CNTNAP2: variants seen among roughly 807,000 people sequenced by gnomAD.
The protein encoded by CNTNAP2 is contactin-associated protein-like 2.
Under a neutral mutation model 155.2 loss-of-function variants are expected in CNTNAP2, and 98 were observed. That is an observed-to-expected ratio of 0.63 (90% CI 0.54 to 0.75). The LOEUF is 0.75. Among genes scored for constraint, CNTNAP2 ranks in the 30% least tolerant of loss-of-function variants. CNTNAP2 has a pLI of 0.00. For missense variants in CNTNAP2, 1,727 were observed against 1,688.1 expected (o/e 1.02, Z -0.40); for synonymous variants, 651 against 631.2 (o/e 1.03, Z -0.47).
At chr7:147,223,040 G>A (rs138298753) in intron 8 of CNTNAP2, among the ~76,000 whole-genome samples, 4 of 152,146 alleles carry the variant, frequency 2.6e-5, no homozygotes, top group Non-Finnish European at 5.9e-5. Context: ...AGGACAAAAA[G>A]ATTTTTCTCC....
chr7:147,774,690 G>A (rs1292616513), intron 13 of CNTNAP2, among the ~76,000 whole-genome samples: 1 of 152,144 alleles, frequency 6.6e-6, no homozygotes, highest in African/African-American at 2.4e-5. Flanking sequence ...ATAAGGGAGA[G>A]AGCCCTCACC....
chr7:146,230,655 C>A (rs996096976), intron 1 of CNTNAP2, among the ~76,000 whole-genome samples: 4 of 152,128 alleles, frequency 2.6e-5, no homozygotes, highest in African/African-American at 9.7e-5. Flanking sequence ...TATTTGTTAT[C>A]TATAGAAATA....
intron 13 of CNTNAP2, among the ~76,000 whole-genome samples, chr7:147,653,494 C>T (rs1391339636): frequency 6.6e-6 from 1 of 152,180 alleles, no homozygotes; most frequent in Non-Finnish European, 1.5e-5. Context: ...TTGAGACTTA[C>T]TCCATTAGGG....
intron 1 of CNTNAP2, among the ~76,000 whole-genome samples, chr7:146,458,027 A>T (rs1223733068): frequency 6.6e-6 from 1 of 152,112 alleles, no homozygotes. Context: ...GCTGGGGGTC[A>T]TTATCCTCAG....
At chr7:146,363,257 C>T (rs1441285111) in intron 1 of CNTNAP2, among the ~76,000 whole-genome samples, 1 of 152,124 alleles carries the variant, frequency 6.6e-6, no homozygotes, top group Non-Finnish European at 1.5e-5. Context: ...TGTTGCTGAA[C>T]CAGGATTCAA....
At chr7:147,233,645 A>G (rs1803734336) in intron 8 of CNTNAP2, among the ~76,000 whole-genome samples, 1 of 151,982 alleles carries the variant, frequency 6.6e-6, no homozygotes, top group Admixed American at 6.6e-5. Context: ...CACTCTAAAG[A>G]AATTGTTAAT....
chr7:147,506,827 G>A (rs546982532), intron 11 of CNTNAP2, among the ~76,000 whole-genome samples: 10 of 152,030 alleles, frequency 6.6e-5, no homozygotes, highest in East Asian at 1.9e-4. Context: ...CTCTCTTTAC[G>A]TCTCCAAATT....
At chr7:147,456,372 AAG>A (rs889229941) in intron 10 of CNTNAP2, among the ~76,000 whole-genome samples, 1 of 152,200 alleles carries the variant, frequency 6.6e-6, no homozygotes, top group Non-Finnish European at 1.5e-5. Context: ...AGTATATAGA[AAG>A]AGAGAATTTA....
At chr7:147,229,187 A>G (rs1803622569) in intron 8 of CNTNAP2, among the ~76,000 whole-genome samples, 1 of 152,204 alleles carries the variant, frequency 6.6e-6, no homozygotes, top group Non-Finnish European at 1.5e-5. Context: ...CTGACAGGAC[A>G]TCCAGCAACT....
rs907038994 is a variant in CNTNAP2, at chr7:148,377,363, C to T, written c.3476-6286C>T. 1.5e-4 allele frequency among the ~76,000 whole-genome samples: 10 copies of T among 68,014 alleles called. 4 individuals carry two copies. The highest frequency in any genetic ancestry group is 3.6e-4 in the African/African-American group (10 of 27,728). 44.6% of individuals were successfully genotyped at this position (68,014 alleles called of 152,430 possible). Reference sequence around the variant, plus strand: ...TCGAACCACTGTTCTACGTGTGAGGCCTGTGGAGGGTTTATACAGCAATGA... The same window carrying T: ...TCGAACCACTGTTCTACGTGTGAGGTCTGTGGAGGGTTTATACAGCAATGA... On this transcript the variant is annotated intron_variant, in intron 21 of 23. Coordinates refer to ENST00000361727, the MANE Select transcript of CNTNAP2 (RefSeq NM_014141.6).
intron 10 of CNTNAP2, among the ~76,000 whole-genome samples, chr7:147,457,868 A>G (rs1444282135): frequency 6.6e-6 from 1 of 152,078 alleles, no homozygotes; most frequent in Non-Finnish European, 1.5e-5. Context: ...TCTTTCTTGA[A>G]TTCTTGAAGT....
chr7:146,452,421 A>G (rs545977365), intron 1 of CNTNAP2, among the ~76,000 whole-genome samples: 19 of 152,330 alleles, frequency 1.2e-4, no homozygotes, highest in African/African-American at 4.3e-4. Flanking sequence ...ACAAGTGAAT[A>G]GATTAATGCA....
At chr7:147,489,836 G>A (rs1220296903) in intron 11 of CNTNAP2, among the ~76,000 whole-genome samples, 4 of 152,052 alleles carry the variant, frequency 2.6e-5, no homozygotes, top group African/African-American at 9.7e-5. Context: ...AGGATGGTCT[G>A]GATCTCCTGA....
chr7:147,576,091 CTATTAT>C (rs71777511), intron 12 of CNTNAP2, among the ~76,000 whole-genome samples: 11,306 of 133,358 alleles, frequency 0.085, 900 homozygotes, highest in African/African-American at 0.23. Context: ...ATATAAATTA[CTATTAT>C]TATTATTTGA....
intron 1 of CNTNAP2, among the ~76,000 whole-genome samples, chr7:146,382,373 A>C (rs914370442): frequency 5.9e-5 from 9 of 152,206 alleles, no homozygotes; most frequent in Admixed American, 2.0e-4. Flanking sequence ...CAGGAAGAAG[A>C]GTAATTGGGG....
intron 22 of CNTNAP2, among the ~76,000 whole-genome samples, chr7:148,386,384 TG>T (rs1324681822): frequency 1.3e-5 from 2 of 151,998 alleles, no homozygotes; most frequent in African/African-American, 4.8e-5. Flanking sequence ...AAAAATTAGC[TG>T]GGCGTGGTGG....
intron 1 of CNTNAP2, among the ~76,000 whole-genome samples, chr7:146,231,789 A>T (rs2116914437): frequency 6.6e-6 from 1 of 152,280 alleles, no homozygotes; most frequent in Non-Finnish European, 1.5e-5. Context: ...TATCGCAGCC[A>T]TTTATCCTGG....
At chr7:146,870,510 A>T (rs1428134047) in intron 3 of CNTNAP2, among the ~76,000 whole-genome samples, 1 of 152,166 alleles carries the variant, frequency 6.6e-6, no homozygotes, top group Non-Finnish European at 1.5e-5. Context: ...TATGAAAATG[A>T]ATTTAGACAA....
At chr7:148,059,677 A>T (rs182413861) in intron 15 of CNTNAP2, among the ~76,000 whole-genome samples, 3 of 150,080 alleles carry the variant, frequency 2.0e-5, no homozygotes, top group Admixed American at 2.0e-4. Context: ...GTAGGTTATT[A>T]AAAAACAGCA....
Sources: gnomAD v4.1 joint callset for allele counts (sites outside exome capture counted in the v4.1 genomes callset) on GRCh38, gnomAD v4.1.1 for gene constraint, MANE v1.5 for transcripts, NCBI Gene and HGNC (gene_info 2026-07-23, HGNC 2026-07-21) for gene names.